CFAP20DC: variants seen among roughly 807,000 people sequenced by gnomAD.
The protein encoded by CFAP20DC is CFAP20 domain containing, also known as protein CFAP20DC.
A neutral mutation model predicts 101.7 loss-of-function variants in CFAP20DC; 84 were observed. The ratio of observed to expected loss-of-function variants is 0.83; its 90% CI spans 0.69 to 0.99. The LOEUF is 0.99. Among genes scored for constraint, CFAP20DC ranks in the 50% least tolerant of loss-of-function variants. CFAP20DC has a pLI of 0.00. For missense variants in CFAP20DC, 1,007 were observed against 970.3 expected (o/e 1.04, Z -0.50); for synonymous variants, 359 against 351.2 (o/e 1.02, Z -0.25).
intron 4 of CFAP20DC, among the ~76,000 whole-genome samples, chr3:58,993,122 C>CT (rs549422433): frequency 4.6e-5 from 7 of 152,152 alleles, no homozygotes; most frequent in Non-Finnish European, 1.0e-4. Context: ...TTGAATATAT[C>CT]TAACACCACA....
At chr3:58,840,473 C>T (rs1219203288) in intron 13 of CFAP20DC, among the ~76,000 whole-genome samples, 2 of 152,156 alleles carry the variant, frequency 1.3e-5, no homozygotes, top group Non-Finnish European at 2.9e-5. Flanking sequence ...ACACTGCTTC[C>T]TGCTTATAAA....
Position 59,002,287 on chromosome 3 carries a change from CCCT to C in CFAP20DC, c.278+37267_278+37269del, listed in dbSNP as rs1432713891. ...CACACACATGCTGAATAATTAGCTT[CCCT>C]CCTAAGGGATACATGATCCCACCTT... is the stretch of plus-strand genomic sequence containing the variant. On this transcript the variant is annotated intron_variant, in intron 4 of 16. Coordinates refer to ENST00000482387, the MANE Select transcript of CFAP20DC (RefSeq NM_001394063.1). The surrounding 1 kb of genome is among the most constrained non-coding windows in gnomAD (Gnocchi z 4.5). 6.6e-6 allele frequency among the ~76,000 whole-genome samples: 1 copy of C among 152,178 alleles called. No homozygotes were observed.
chr3:58,957,444 G>T (rs545122440), intron 4 of CFAP20DC, among the ~76,000 whole-genome samples: 1 of 152,218 alleles, frequency 6.6e-6, no homozygotes, highest in South Asian at 2.1e-4. Flanking sequence ...ACAGTTTTGA[G>T]GTTCCTCAAA....
chr3:58,724,896 T>G lies in CFAP20DC; in HGVS notation c.198-7268A>C, dbSNP rs2067527857. Among the ~76,000 whole-genome samples the G allele has an allele frequency of 6.6e-6, 1 of 152,070 alleles. No homozygotes were observed. Among genetic ancestry groups the G allele is most frequent in the African/African-American group, 2.4e-5 (1 of 41,398 alleles). On this transcript the variant is annotated intron_variant, in intron 3 of 3. Transcript: ENST00000486145. This position sits in a 1 kb window ranked among gnomAD's most constrained non-coding sequence, Gnocchi z 5.6. ...AGGAAGCAGCCAACAAACAGATTAG[T>G]GGAGCATTGCCAGGGGAGTCCCAGA...
chr3:58,840,623 C>A (rs1377233033), intron 13 of CFAP20DC, among the ~76,000 whole-genome samples: 1 of 152,206 alleles, frequency 6.6e-6, no homozygotes, highest in Non-Finnish European at 1.5e-5. Context: ...AGAGCCACCA[C>A]CCCTGTAGAA....
chr3:58,811,730 C>T (rs2074654731), intron 14 of CFAP20DC, among the ~76,000 whole-genome samples: 1 of 152,090 alleles, frequency 6.6e-6, no homozygotes, highest in African/African-American at 2.4e-5. Context: ...TAAAGAGCTT[C>T]TGCATAGCAA....
At chr3:58,720,699 G>A (rs1042377758) in intron 3 of CFAP20DC, among the ~76,000 whole-genome samples, 13 of 152,172 alleles carry the variant, frequency 8.5e-5, no homozygotes, top group Non-Finnish European at 1.8e-4. Flanking sequence ...CACTATAAAT[G>A]TGCCTTTCCT....
chr3:58,749,774 A>G (rs1361566291), intron 16 of CFAP20DC, among the ~76,000 whole-genome samples: 1 of 152,202 alleles, frequency 6.6e-6, no homozygotes, highest in African/African-American at 2.4e-5. Flanking sequence ...TAAAGGAACA[A>G]ATGTCAAAAA....
chr3:59,005,668 C>A (rs1333779642), intron 4 of CFAP20DC, among the ~76,000 whole-genome samples: 1 of 152,028 alleles, frequency 6.6e-6, no homozygotes, highest in South Asian at 2.1e-4. Flanking sequence ...TCTAGACAGA[C>A]AATAACTGTT....
At chr3:58,887,666 T>C (rs932735088) in intron 6 of CFAP20DC, among the ~76,000 whole-genome samples, 27 of 152,344 alleles carry the variant, frequency 1.8e-4, no homozygotes, top group African/African-American at 5.8e-4. Context: ...GTGGTTGACA[T>C]GCAGATCAGA....
At position 58,799,652 on chromosome 3, in the gene CFAP20DC, A is replaced by G. The variant is rs778325556; in HGVS notation, c.2237+6743T>C. 6.6e-6 allele frequency among the ~76,000 whole-genome samples: 1 copy of G among 152,022 alleles called. No individual in the cohort carries two copies. Among genetic ancestry groups the G allele is most frequent in the Non-Finnish European group, 1.5e-5 (1 of 67,998 alleles). On this transcript the variant is annotated intron_variant, in intron 15 of 16. Transcript: ENST00000482387. This position sits in a 1 kb window ranked among gnomAD's most constrained non-coding sequence, Gnocchi z 4.9. Reference sequence around the variant, plus strand: ...CTTGAAACTAGGGAGACACTGAACAAGTGAGATAAGGTTTTCACATGCATG... The same window carrying G: ...CTTGAAACTAGGGAGACACTGAACAGGTGAGATAAGGTTTTCACATGCATG...
At chr3:58,879,322 G>A (rs1191371625) in intron 7 of CFAP20DC, among the ~76,000 whole-genome samples, 3 of 152,144 alleles carry the variant, frequency 2.0e-5, no homozygotes, top group Non-Finnish European at 2.9e-5. Context: ...CAATTATTAT[G>A]TGTCAATCAT....
chr3:58,887,242 A>T lies in CFAP20DC; in HGVS notation c.551-2533T>A, dbSNP rs527497502. 4.8e-4 allele frequency: 73 copies of T among 152,372 alleles called. 1 individual carries two copies. Among genetic ancestry groups the T allele is most frequent in the African/African-American group, 1.7e-3 (72 of 41,592 alleles). The allele number at this position is 152,372 out of a possible 1,614,324, so 9.4% of individuals were successfully genotyped here. ...TTAGAAAATCTATATAAAGTAACTG[A>T]GCAAATGAACTCTCAAAATAGTAAA... On this transcript the variant is annotated intron_variant, in intron 6 of 16. Transcript: ENST00000482387.
intron 15 of CFAP20DC, among the ~76,000 whole-genome samples, chr3:58,792,967 C>T (rs779181272): frequency 3.0e-4 from 45 of 152,022 alleles, no homozygotes; most frequent in Non-Finnish European, 5.3e-4. Flanking sequence ...ATGATGTTTC[C>T]TGTAAGGGCA....
chr3:59,015,822 C>T lies in CFAP20DC; in HGVS notation c.278+23735G>A, dbSNP rs896119043. Among the ~76,000 whole-genome samples the T allele has an allele frequency of 3.9e-5, 6 of 152,116 alleles. No individual in the cohort carries two copies. The highest frequency in any genetic ancestry group is 8.8e-5 in the Non-Finnish European group (6 of 68,004). ...AACAAAAGAGATGGAGGCTGTAGAG[C>T]TGGGGACAACAACCTTTCTGCTGTT... On this transcript the variant is annotated intron_variant, in intron 4 of 16. Coordinates refer to ENST00000482387, the MANE Select transcript of CFAP20DC (RefSeq NM_001394063.1). The surrounding 1 kb of genome is among the most constrained non-coding windows in gnomAD (Gnocchi z 5.4).
intron 14 of CFAP20DC, among the ~76,000 whole-genome samples, chr3:58,823,498 TATG>T (rs1411580001): frequency 6.6e-6 from 1 of 152,204 alleles, no homozygotes. Flanking sequence ...TCTTGGTAGA[TATG>T]ATCTTATTTG....
intron 14 of CFAP20DC, 105 bp downstream of exon 14, chr3:58,831,581 A>G: frequency 1.3e-6 from 1 of 798,844 alleles, no homozygotes; most frequent in Non-Finnish European, 2.1e-6. Flanking sequence ...TCATAGGGAG[A>G]GTTCTCATTT....
chr3:58,717,001 G>A (rs564158739), downstream of CFAP20DC, among the ~76,000 whole-genome samples: 1 of 151,820 alleles, frequency 6.6e-6, no homozygotes, highest in East Asian at 1.9e-4. The surrounding 1 kb of genome is among the most constrained non-coding windows in gnomAD (Gnocchi z 4.1). Context: ...TGGACCCCTA[G>A]AAATTTAACT....
At chr3:59,008,987 A>C (rs945344981) in intron 4 of CFAP20DC, among the ~76,000 whole-genome samples, 3 of 152,146 alleles carry the variant, frequency 2.0e-5, no homozygotes, top group Non-Finnish European at 4.4e-5. Flanking sequence ...ACCCACCCAC[A>C]CACCAAGAAT....
Sources: gnomAD v4.1 joint callset for allele counts (sites outside exome capture counted in the v4.1 genomes callset) on GRCh38, gnomAD v4.1.1 for gene constraint, Gnocchi (gnomAD v3.1) non-coding constraint, MANE v1.5 for transcripts, NCBI Gene and HGNC (gene_info 2026-07-23, HGNC 2026-07-21) for gene names.